The following NTN1 variants were observed in gnomAD, a reference collection of about 807,000 sequenced individuals.
NTN1 encodes the protein netrin 1.
A neutral mutation model predicts 54.2 loss-of-function variants in NTN1; 11 were observed. The ratio of observed to expected loss-of-function variants is 0.20; its 90% confidence interval spans 0.13 to 0.34. The LOEUF is 0.34. NTN1 is among the 10% of genes least tolerant of loss of function. The pLI, the probability that NTN1 is intolerant of heterozygous loss-of-function variation, is 1.00. For missense variants in NTN1, 740 were observed against 893.1 expected, an observed-to-expected ratio of 0.83 and a Z score of 2.18; for synonymous variants, 371 against 382.0, an observed-to-expected ratio of 0.97 and a Z score of 0.33.
chr17:9,182,231 G>A (rs56109642), intron 4 of NTN1, among the ~76,000 whole-genome samples: 1 of 63,216 alleles, frequency 1.6e-5, no homozygotes, highest in Non-Finnish European at 4.1e-5. Flanking sequence ...CTCCCCAAAC[G>A]TGTTGGGCCC....
intron 2 of NTN1, among the ~76,000 whole-genome samples, chr17:9,110,374 A>C (rs959055186): frequency 1.3e-5 from 2 of 151,798 alleles, no homozygotes; most frequent in Non-Finnish European, 2.9e-5. Flanking sequence ...GGTTTAAACA[A>C]TTCTCCTGCC....
chr17:9,145,778 C>T (rs568069200), intron 2 of NTN1, among the ~76,000 whole-genome samples: 17 of 152,098 alleles, frequency 1.1e-4, no homozygotes, highest in East Asian at 3.9e-4. Flanking sequence ...ATTAGCCGGG[C>T]GTGGTGGCAG....
intron 6 of NTN1, among the ~76,000 whole-genome samples, chr17:9,228,332 G>T (rs766230864): frequency 6.6e-6 from 1 of 152,216 alleles, no homozygotes; most frequent in African/African-American, 2.4e-5. Flanking sequence ...ACGAGGAAAC[G>T]GGAGAAGAGT....
chr17:9,044,619 C>T (rs564478391), intron 2 of NTN1, among the ~76,000 whole-genome samples: 9 of 152,040 alleles, frequency 5.9e-5, no homozygotes, highest in Admixed American at 3.9e-4. Flanking sequence ...GTCAGTGTTC[C>T]GCAGGAATTG....
intron 2 of NTN1, among the ~76,000 whole-genome samples, chr17:9,126,504 T>C (rs970549676): frequency 1.3e-5 from 2 of 151,610 alleles, no homozygotes; most frequent in African/African-American, 4.9e-5. Flanking sequence ...AGAGCGAAAC[T>C]CCATCTCAAG....
At chr17:9,180,841 G>C (rs1014820862) in intron 4 of NTN1, among the ~76,000 whole-genome samples, 4 of 152,158 alleles carry the variant, frequency 2.6e-5, no homozygotes, top group Admixed American at 2.0e-4. Context: ...ACCCATCCAG[G>C]GCAGAGCAGG....
chr17:9,023,158 A>AGGACGACTCGGAGCTGGC lies in NTN1; in HGVS notation c.787_804dup (p.Asp263_Ala268dup). ...CTGCACACGTTCGGCGACGAGAACGAGGACGACTCGGAGCTGGCGCGCGAC... is the reference window on the plus strand; with the variant it reads ...CTGCACACGTTCGGCGACGAGAACGAGGACGACTCGGAGCTGGCGGACGACTCGGAGCTGGCGCGCGAC... On this transcript the variant is annotated inframe_insertion, in exon 2 of 7. Transcript: ENST00000173229. The AGGACGACTCGGAGCTGGC allele has an allele frequency of 6.4e-7, 1 of 1,564,392 alleles. No individual in the cohort carries two copies. The highest frequency in any genetic ancestry group is 8.7e-7 in the Non-Finnish European group (1 of 1,152,906).
At chr17:9,208,737 G>A (rs1353256076) in intron 5 of NTN1, among the ~76,000 whole-genome samples, 1 of 152,244 alleles carries the variant, frequency 6.6e-6, no homozygotes, top group East Asian at 1.9e-4. Context: ...GTGCACTCCA[G>A]GGGAGGAGTA....
chr17:9,229,693 C>T, intron 6 of NTN1, among the ~76,000 whole-genome samples: 1 of 151,932 alleles, frequency 6.6e-6, no homozygotes, highest in East Asian at 1.9e-4. Context: ...GATGATGGAG[C>T]AGAGGCACTG....
rs1230149124 is a variant in NTN1 at position 9,026,601 on chromosome 17, A to AAAATGCATGAACAGTTGT, written c.1018+3214_1018+3231dup. ...GTGGGGCTGTGTGTACATTCAAGGC[A>AAAATGCATGAACAGTTGT]AAATGCATGAACAGTTGTAAACCAC... On this transcript the variant is annotated intron_variant, in intron 2 of 6. Transcript: ENST00000173229. Among the ~76,000 whole-genome samples the AAAATGCATGAACAGTTGT allele has an allele frequency of 1.5e-3, 229 of 152,350 alleles. 1 individual carries two copies. Among genetic ancestry groups the AAAATGCATGAACAGTTGT allele is most frequent in the African/African-American group, 5.3e-3 (221 of 41,578 alleles).
At chr17:9,235,726 T>C (rs1036931093) in intron 6 of NTN1, among the ~76,000 whole-genome samples, 5 of 129,356 alleles carry the variant, frequency 3.9e-5, no homozygotes, top group African/African-American at 1.3e-4. Flanking sequence ...CTGCAGCCTC[T>C]TCTTCTTTCT....
Position 9,243,112 on chromosome 17 carries a change from G to A in NTN1, c.*3144G>A, listed in dbSNP as rs148699677. 0.021 allele frequency: 3,124 copies of A among 152,358 alleles called. 40 individuals are homozygous for A. The highest frequency in any genetic ancestry group is 0.034 in the Middle Eastern group (10 of 294). The allele number at this position is 152,358 out of a possible 1,614,324, so 9.4% of individuals were successfully genotyped here. ...TGAGTGCCTGCTTTACGGACACGCA[G>A]TAATGCCGAAGATTTGCGGGGGAGG... is the stretch of plus-strand genomic sequence containing the variant. On this transcript the variant is annotated 3_prime_UTR_variant, in exon 7 of 7. Transcript: ENST00000173229.
At chr17:9,055,814 C>G (rs1055455565) in intron 2 of NTN1, among the ~76,000 whole-genome samples, 1 of 152,188 alleles carries the variant, frequency 6.6e-6, no homozygotes, top group Admixed American at 6.5e-5. Flanking sequence ...CTCAACCTCC[C>G]AGGCTCGGGT....
At chr17:9,093,243 G>A (rs2092119246) in intron 2 of NTN1, among the ~76,000 whole-genome samples, 1 of 152,230 alleles carries the variant, frequency 6.6e-6, no homozygotes, top group Non-Finnish European at 1.5e-5. Context: ...CATTTGGATT[G>A]CTTCCAGCTA....
At chr17:9,055,049 G>A (rs1186451416) in intron 2 of NTN1, among the ~76,000 whole-genome samples, 5 of 152,164 alleles carry the variant, frequency 3.3e-5, no homozygotes, top group East Asian at 1.9e-4. Context: ...CGAACAGAGC[G>A]CCTCAGTAGA....
At position 9,022,997 on chromosome 17, in the gene NTN1, C is replaced by G; in HGVS notation, c.624C>G (p.Thr208=). The G allele has an allele frequency of 6.2e-7, 1 of 1,609,150 alleles. No homozygotes were observed. The highest frequency in any genetic ancestry group is 8.5e-7 in the Non-Finnish European group (1 of 1,178,694). The change falls in exon 2 of 7, where the codon ACC becomes ACG. Residue 208 remains threonine, a synonymous_variant. Coordinates refer to ENST00000173229, the MANE Select transcript of NTN1 (RefSeq NM_004822.3). ...EQEAVCTDSH[T]DMRPLSGGLI... The stretch of plus-strand genomic sequence containing the variant: ...AGGCCGTGTGCACCGACTCGCACAC[C>G]GACATGCGCCCGCTCTCGGGCGGCC...
At chr17:9,008,972 C>T in the NTN1 span, among the ~76,000 whole-genome samples, 3 of 152,046 alleles carry the variant, frequency 2.0e-5, no homozygotes, top group Non-Finnish European at 2.9e-5. Context: ...ACCCAGGAGG[C>T]GGAGGTTGCA....
At chr17:9,144,757 G>C (rs970303649) in intron 2 of NTN1, among the ~76,000 whole-genome samples, 1 of 152,246 alleles carries the variant, frequency 6.6e-6, no homozygotes. Flanking sequence ...GTTTGCTGAC[G>C]AAACAAGCGA....
chr17:9,183,594 C>A, intron 5 of NTN1: 1 of 271,620 alleles, frequency 3.7e-6, no homozygotes, highest in Non-Finnish European at 7.4e-6. Flanking sequence ...TATTGCTTCT[C>A]AAAACGACAG....
Sources: gnomAD v4.1 joint callset for allele counts (sites outside exome capture counted in the v4.1 genomes callset) on GRCh38, gnomAD v4.1.1 for gene constraint, MANE v1.5 for transcripts, NCBI Gene and HGNC (gene_info 2026-07-23, HGNC 2026-07-21) for gene names.